FRRS1: variants seen among roughly 807,000 people sequenced by gnomAD.
FRRS1 encodes ferric reductase 1.
Under a neutral mutation model 70.7 loss-of-function variants are expected in FRRS1, and 51 were observed. The observed-to-expected ratio is 0.72, with a 90% confidence interval of 0.58 to 0.91. The LOEUF (loss-of-function observed/expected upper bound fraction) is 0.91, where lower values mean the gene tolerates loss of function less well. Ranked by LOEUF, FRRS1 falls within the 40% of genes least tolerant of loss-of-function variation. FRRS1 has a pLI of 0.00. For missense variants in FRRS1, 672 were observed against 726.0 expected (o/e 0.93, Z 0.86); for synonymous variants, 225 against 238.7 (o/e 0.94, Z 0.53).
chr1:99,736,812 A>T (rs71512525), intron 7 of FRRS1, among the ~76,000 whole-genome samples: 32 of 130,248 alleles, frequency 2.5e-4, no homozygotes, highest in Admixed American at 6.6e-4. Flanking sequence ...AAAAAAGAAT[A>T]AAAAAAAGAA....
chr1:99,711,378 A>T (rs1458464492), intron 14 of FRRS1: 2 of 155,844 alleles, frequency 1.3e-5, no homozygotes, highest in African/African-American at 4.8e-5. Flanking sequence ...AACATGTGGT[A>T]TGTGATTTTC....
chr1:99,738,408 G>A, intron 6 of FRRS1, 140 bp from the exon 7 acceptor site: 2 of 572,858 alleles, frequency 3.5e-6, no homozygotes, highest in East Asian at 3.0e-5. Flanking sequence ...ATTCAAATAA[G>A]GAAACAAAAG....
intron 7 of FRRS1, among the ~76,000 whole-genome samples, chr1:99,735,975 ATG>A: frequency 6.6e-6 from 1 of 152,336 alleles, no homozygotes; most frequent in South Asian, 2.1e-4. Context: ...ATATATCTAA[ATG>A]AGTGCTGTAA....
At chr1:99,730,796 G>A (rs1260029319) in intron 7 of FRRS1, among the ~76,000 whole-genome samples, 1 of 151,806 alleles carries the variant, frequency 6.6e-6, no homozygotes, top group African/African-American at 2.4e-5. Flanking sequence ...GAACCCGGGA[G>A]GTGGAGCTGG....
At chr1:99,751,744 GA>G (rs1489875198) in intron 1 of FRRS1, among the ~76,000 whole-genome samples, 1 of 151,862 alleles carries the variant, frequency 6.6e-6, no homozygotes, top group Non-Finnish European at 1.5e-5. Context: ...TATCTTGCAA[GA>G]AAAGTGAAAA....
chr1:99,709,340 T>C, intron 15 of FRRS1, 81 bp from the exon 16 acceptor site: 1 of 909,288 alleles, frequency 1.1e-6, no homozygotes, highest in Non-Finnish European at 1.8e-6. Flanking sequence ...TGATTTGTAC[T>C]GTTCACCCCA....
chr1:99,712,796 A>G (rs1250677554), intron 12 of FRRS1, among the ~76,000 whole-genome samples: 1 of 152,226 alleles, frequency 6.6e-6, no homozygotes, highest in African/African-American at 2.4e-5. Context: ...ATCAAGAACT[A>G]TGTCCAAGGT....
intron 9 of FRRS1, among the ~76,000 whole-genome samples, chr1:99,723,645 T>C (rs748580320): frequency 2.0e-5 from 3 of 152,126 alleles, no homozygotes; most frequent in Non-Finnish European, 4.4e-5. Context: ...CACAAACCTA[T>C]TATAAAGCAA....
chr1:99,749,340 T>A, intron 1 of FRRS1, among the ~76,000 whole-genome samples: 1 of 152,108 alleles, frequency 6.6e-6, no homozygotes, highest in East Asian at 1.9e-4. Flanking sequence ...GTTGTTTAAA[T>A]AAAAATGAAA....
intron 1 of FRRS1, among the ~76,000 whole-genome samples, chr1:99,756,548 A>C (rs1656844639): frequency 6.6e-6 from 1 of 152,198 alleles, no homozygotes; most frequent in Non-Finnish European, 1.5e-5. Flanking sequence ...GATGTTAATA[A>C]AGAGAATATA....
chr1:99,758,934 T>A (rs911779032), intron 1 of FRRS1, among the ~76,000 whole-genome samples: 1 of 152,156 alleles, frequency 6.6e-6, no homozygotes, highest in Admixed American at 6.5e-5. Flanking sequence ...TCTCCTGCAG[T>A]ACCCTCAGAA....
chr1:99,744,629 A>G (rs2100974610), intron 4 of FRRS1, among the ~76,000 whole-genome samples: 1 of 152,200 alleles, frequency 6.6e-6, no homozygotes, highest in Middle Eastern at 3.4e-3. Context: ...TCTACTAAAA[A>G]TACAAAATTA....
intron 15 of FRRS1, among the ~76,000 whole-genome samples, chr1:99,710,019 A>T (rs1654199413): frequency 6.6e-6 from 1 of 152,176 alleles, no homozygotes; most frequent in African/African-American, 2.4e-5. Flanking sequence ...TTCAGTGGTC[A>T]TCAAAAGCCC....
chr1:99,766,033 T>A (rs979786677), intron 1 of FRRS1, among the ~76,000 whole-genome samples: 3 of 151,984 alleles, frequency 2.0e-5, no homozygotes, highest in Non-Finnish European at 4.4e-5. Context: ...ATTTGAAAAA[T>A]CCCCTTTACC....
chr1:99,741,157 C>G (rs1655943460), intron 5 of FRRS1, among the ~76,000 whole-genome samples: 1 of 152,180 alleles, frequency 6.6e-6, no homozygotes, highest in South Asian at 2.1e-4. Flanking sequence ...TCCCTCTTTC[C>G]TTATTTGTCT....
chr1:99,754,509 G>GAGAGAGAGAGAGAGAA (rs1656737017), intron 1 of FRRS1, among the ~76,000 whole-genome samples: 1 of 57,750 alleles, frequency 1.7e-5, no homozygotes, highest in Admixed American at 2.3e-4. Context: ...GAGAGAGAAA[G>GAGAGAGAGAGAGAGAA]AGAGAGAGAG....
At chr1:99,728,423 A>G (rs1655172937) in intron 9 of FRRS1, 70 bp downstream of exon 9, 2 of 1,363,884 alleles carry the variant, frequency 1.5e-6, no homozygotes, top group Non-Finnish European at 2.0e-6. Context: ...TAGTTTTTCC[A>G]AAAATGGGGG....
At chr1:99,750,483 G>A (rs1462937299) in intron 1 of FRRS1, among the ~76,000 whole-genome samples, 1 of 152,254 alleles carries the variant, frequency 6.6e-6, no homozygotes, top group Non-Finnish European at 1.5e-5. Context: ...GATGCTAAAT[G>A]CTCCAATGGA....
intron 12 of FRRS1, among the ~76,000 whole-genome samples, chr1:99,714,185 CTTT>C (rs921323480): frequency 2.1e-5 from 3 of 140,632 alleles, no homozygotes; most frequent in African/African-American, 2.6e-5. Context: ...GTCTGGTTTA[CTTT>C]TTTTTTTTTT....
Sources: allele counts gnomAD v4.1 joint callset (sites outside exome capture counted in the v4.1 genomes callset), GRCh38; gene constraint gnomAD v4.1.1; transcripts MANE v1.5; gene names NCBI Gene and HGNC (gene_info 2026-07-23, HGNC 2026-07-21).